PCDH7: variants seen among roughly 807,000 people sequenced by gnomAD.
PCDH7 encodes protocadherin 7, also known as protocadherin-7.
Under a neutral mutation model 58.9 loss-of-function variants are expected in PCDH7, and 17 were observed. The observed-to-expected ratio is 0.29, with a 90% confidence interval of 0.20 to 0.43. PCDH7 has a LOEUF of 0.43. PCDH7 is among the 20% of genes least tolerant of loss of function. The pLI is 1.00. For synonymous variants in PCDH7, 664 were observed against 616.4 expected (o/e 1.08, Z -1.14); for missense variants, 1,274 against 1,441.0 (o/e 0.88, Z 1.88).
chr4:31,136,280 CTTTTA>C (rs1719592716), intron 3 of PCDH7, among the ~76,000 whole-genome samples: 2 of 152,170 alleles, frequency 1.3e-5, no homozygotes, highest in Admixed American at 1.3e-4. Flanking sequence ...GACATTAACT[CTTTTA>C]TCCCACAATA....
intron 3 of PCDH7, among the ~76,000 whole-genome samples, chr4:31,105,583 T>C (rs561582383): frequency 4.0e-4 from 61 of 152,276 alleles, no homozygotes; most frequent in African/African-American, 1.2e-3. Flanking sequence ...GAAGCAATGT[T>C]CTCAAGTCCA....
chr4:30,894,516 T>TATACACACACAC (rs1400204196), intron 1 of PCDH7, among the ~76,000 whole-genome samples: 1 of 32,208 alleles, frequency 3.1e-5, no homozygotes, highest in Non-Finnish European at 5.1e-5. Flanking sequence ...TATATATATA[T>TATACACACACAC]ACACACACAC....
chr4:30,891,773 G>GTTT (rs554698491), intron 1 of PCDH7, among the ~76,000 whole-genome samples: 1 of 139,204 alleles, frequency 7.2e-6, no homozygotes. Flanking sequence ...TTGTTTTTTT[G>GTTT]TTTTTTTTTT....
chr4:30,826,908 T>G (rs1053271408), intron 1 of PCDH7, among the ~76,000 whole-genome samples: 1 of 152,006 alleles, frequency 6.6e-6, no homozygotes, highest in Non-Finnish European at 1.5e-5. Flanking sequence ...GTATTTTTTT[T>G]GTAGAGACGG....
intron 3 of PCDH7, among the ~76,000 whole-genome samples, chr4:30,962,951 G>T (rs1409414578): frequency 6.6e-6 from 1 of 152,098 alleles, no homozygotes; most frequent in Non-Finnish European, 1.5e-5. Context: ...GCTTTCACCA[G>T]GAAGGTAACA....
intron 3 of PCDH7, among the ~76,000 whole-genome samples, chr4:30,998,512 C>A (rs540010246): frequency 1.1e-4 from 16 of 152,168 alleles, no homozygotes; most frequent in Middle Eastern, 3.4e-3. Flanking sequence ...TGGTTTTTCT[C>A]AAAATCTGGT....
At chr4:31,090,404 C>T (rs1713080504) in intron 3 of PCDH7, among the ~76,000 whole-genome samples, 1 of 149,286 alleles carries the variant, frequency 6.7e-6, no homozygotes, top group Non-Finnish European at 1.5e-5. Context: ...GGCATTTATC[C>T]TTTGTGTTAC....
intron 3 of PCDH7, among the ~76,000 whole-genome samples, chr4:30,959,664 C>T (rs376719780): frequency 1.3e-5 from 2 of 152,114 alleles, no homozygotes; most frequent in East Asian, 1.9e-4. Flanking sequence ...TAAAGTGCCA[C>T]GTTAGGCCCT....
chr4:30,737,208 T>G (rs1255902950), downstream of PCDH7, among the ~76,000 whole-genome samples: 1 of 152,170 alleles, frequency 6.6e-6, no homozygotes, highest in Non-Finnish European at 1.5e-5. Context: ...CTGCTCTGAT[T>G]ACATGACAGG....
intron 3 of PCDH7, among the ~76,000 whole-genome samples, chr4:31,056,665 GAGAGAA>G (rs977137386): frequency 6.9e-6 from 1 of 145,036 alleles, no homozygotes; most frequent in South Asian, 2.5e-4. Context: ...AGAGAGGAGA[GAGAGAA>G]AGAGAAAGAG....
intron 1 of PCDH7, among the ~76,000 whole-genome samples, chr4:30,854,973 T>C (rs1328504482): frequency 6.6e-6 from 1 of 152,178 alleles, no homozygotes; most frequent in African/African-American, 2.4e-5. Context: ...CTGAGTTAAG[T>C]GACTCACCTA....
intron 3 of PCDH7, among the ~76,000 whole-genome samples, chr4:31,027,263 C>A (rs1754511142): frequency 6.6e-6 from 1 of 152,024 alleles, no homozygotes; most frequent in Admixed American, 6.6e-5. Flanking sequence ...GCATTATGTT[C>A]TTTGTGAGAA....
intron 1 of PCDH7, among the ~76,000 whole-genome samples, chr4:30,896,180 T>A (rs1026815686): frequency 6.6e-6 from 1 of 152,250 alleles, no homozygotes; most frequent in Non-Finnish European, 1.5e-5. Flanking sequence ...ATTTCCATTT[T>A]GGACCGTAAA....
chr4:31,088,299 T>C (rs1483290380), intron 3 of PCDH7, among the ~76,000 whole-genome samples: 2 of 152,064 alleles, frequency 1.3e-5, no homozygotes, highest in Admixed American at 6.6e-5. Context: ...TCTGTTAATT[T>C]TGGGAGATGT....
At chr4:30,895,160 G>A (rs1412797678) in intron 1 of PCDH7, among the ~76,000 whole-genome samples, 2 of 151,226 alleles carry the variant, frequency 1.3e-5, no homozygotes, top group East Asian at 3.9e-4. Context: ...AATAATAAAT[G>A]AGTACCAGTT....
Position 30,958,844 on chromosome 4 carries a change from TTAAG to T in PCDH7, c.*7+8631_*7+8634del, listed in dbSNP as rs1285140491. On this transcript the variant is annotated intron_variant, in intron 3 of 3. Coordinates refer to the PCDH7 transcript ENST00000509759. ...AAATTATCTTATTATAAATTTAAGATTAAGTTTTTAAGAAAATAAAAAGTATTAT... is the reference window on the plus strand; with the variant it reads ...AAATTATCTTATTATAAATTTAAGATTTTTTAAGAAAATAAAAAGTATTAT... Among the ~76,000 whole-genome samples the T allele has an allele frequency of 2.0e-5, 3 of 152,040 alleles. No individual in the cohort carries two copies. In the South Asian group the frequency reaches 6.2e-4, roughly 31 times the overall value.
intron 3 of PCDH7, among the ~76,000 whole-genome samples, chr4:31,032,001 A>G (rs1441510065): frequency 6.6e-6 from 1 of 152,220 alleles, no homozygotes; most frequent in East Asian, 1.9e-4. Context: ...AATCTCCGAA[A>G]GCAGCAAGAT....
intron 1 of PCDH7, among the ~76,000 whole-genome samples, chr4:30,917,241 AT>A (rs1359696156): frequency 2.0e-5 from 3 of 151,980 alleles, no homozygotes; most frequent in Non-Finnish European, 2.9e-5. Flanking sequence ...TGTATGTCTG[AT>A]ATACTACTTA....
At chr4:30,724,091 C>T (rs867458027) in exon 1 of PCDH7, 12 of 1,613,832 alleles carry the variant, frequency 7.4e-6, no homozygotes, top group Admixed American at 5.0e-5. Context: ...GGCATTATGA[C>T]GGTGATTCTA....
Sources: allele counts gnomAD v4.1 joint callset (sites outside exome capture counted in the v4.1 genomes callset), GRCh38; gene constraint gnomAD v4.1.1; transcripts MANE v1.5; gene names NCBI Gene and HGNC (gene_info 2026-07-23, HGNC 2026-07-21).